Variants in TCEA1 observed in about 807,000 individuals in gnomAD.
The protein encoded by TCEA1 is transcription elongation factor A protein 1.
A neutral mutation model predicts 43.8 loss-of-function variants in TCEA1; 21 were observed. The observed-to-expected ratio is 0.48, with a 90% CI of 0.34 to 0.69. The LOEUF (loss-of-function observed/expected upper bound fraction) is 0.69, where lower values mean the gene tolerates loss of function less well. Among genes scored for constraint, TCEA1 ranks in the 30% least tolerant of loss-of-function variants. TCEA1 has a pLI of 0.01. For synonymous variants in TCEA1, 104 were observed against 117.5 expected (o/e 0.88, Z 0.75); for missense variants, 250 against 365.1 (o/e 0.68, Z 2.57).
At chr8:53,993,528 A>G (rs1013483545) in intron 4 of TCEA1, 140 bp downstream of exon 4, 1 of 595,498 alleles carries the variant, frequency 1.7e-6, no homozygotes, top group East Asian at 2.8e-5. Context: ...ATTAGAATAC[A>G]TGGCTACATA....
chr8:54,014,601 T>G (rs903679659), intron 1 of TCEA1, among the ~76,000 whole-genome samples: 5 of 152,214 alleles, frequency 3.3e-5, no homozygotes, highest in Non-Finnish European at 7.3e-5. Flanking sequence ...GCTATCACAC[T>G]ATTTTATTAC....
chr8:54,006,403 C>T (rs13280165), intron 2 of TCEA1, among the ~76,000 whole-genome samples: 2 of 151,992 alleles, frequency 1.3e-5, no homozygotes, highest in Non-Finnish European at 2.9e-5. Context: ...CGCTTGAACC[C>T]GGGAGGTGGA....
At chr8:54,001,765 C>T (rs750679967) in intron 2 of TCEA1, among the ~76,000 whole-genome samples, 1 of 152,018 alleles carries the variant, frequency 6.6e-6, no homozygotes, top group Admixed American at 6.6e-5. Flanking sequence ...ATGATTATCC[C>T]GCTTAGCCTC....
chr8:53,968,129 A>G lies in TCEA1; in HGVS notation c.898-17T>C, dbSNP rs771289478. On this transcript the variant is annotated splice_polypyrimidine_tract_variant and intron_variant, in intron 9 of 9. Transcript: ENST00000521604. ...TCAACAGAACTGTCAAAAAAGAAAA[A>G]ATATTTTGTAAGACCTTTAAATACC... 91 of 1,518,780 alleles carry G rather than the reference A, an allele frequency of 6.0e-5. 1 individual carries two copies. The highest frequency in any genetic ancestry group is 2.2e-4 in the Admixed American group (11 of 50,802). The allele number at this position is 1,518,780 out of a possible 1,614,324, so 94.1% of individuals were successfully genotyped here. A position where few individuals can be genotyped will look rare whatever the true frequency, so the allele number is the denominator to read the frequency against.
intron 1 of TCEA1, among the ~76,000 whole-genome samples, chr8:54,019,205 T>C (rs1337959012): frequency 6.6e-6 from 1 of 152,194 alleles, no homozygotes; most frequent in Admixed American, 6.5e-5. Flanking sequence ...CATGTTAAAA[T>C]ATTTTTTTAA....
chr8:54,017,468 A>C (rs1465880039), intron 1 of TCEA1, among the ~76,000 whole-genome samples: 1 of 152,030 alleles, frequency 6.6e-6, no homozygotes, highest in Non-Finnish European at 1.5e-5. Context: ...TCTCTCCTTT[A>C]TTTCTTTTCT....
rs1390962163 is a variant in TCEA1, at chr8:54,017,085, A to G, written c.63+4978T>C. 2.0e-5 allele frequency among the ~76,000 whole-genome samples: 3 copies of G among 152,232 alleles called. No homozygotes were observed. The East Asian group carries it at 5.8e-4, about 29-fold the overall frequency. On this transcript the variant is annotated intron_variant, in intron 1 of 9. Coordinates refer to ENST00000521604, the MANE Select transcript of TCEA1 (RefSeq NM_006756.4). Reference sequence around the variant, plus strand: ...CAGAAAATTTCCAGATTTGGCAAACACACAGACAGAAAGTATATTAGTGGC... The same window carrying G: ...CAGAAAATTTCCAGATTTGGCAAACGCACAGACAGAAAGTATATTAGTGGC...
chr8:54,015,792 G>A (rs1804801493), intron 1 of TCEA1, among the ~76,000 whole-genome samples: 1 of 152,086 alleles, frequency 6.6e-6, no homozygotes, highest in African/African-American at 2.4e-5. Flanking sequence ...ATTTAAAAAT[G>A]GACTAATCCA....
chr8:53,979,207 C>T, intron 7 of TCEA1, 36 bp from the exon 8 acceptor site: 5 of 1,592,374 alleles, frequency 3.1e-6, no homozygotes, highest in Non-Finnish European at 4.3e-6. Context: ...CAGTTATAGA[C>T]ACCTTCTATA....
intron 1 of TCEA1, among the ~76,000 whole-genome samples, chr8:54,013,175 G>A: frequency 6.6e-6 from 1 of 152,104 alleles, no homozygotes. Context: ...GAGACATACA[G>A]TTTAAATTGT....
intron 8 of TCEA1, among the ~76,000 whole-genome samples, chr8:53,974,436 T>C (rs1017487472): frequency 1.3e-5 from 2 of 151,278 alleles, no homozygotes; most frequent in African/African-American, 4.9e-5. Flanking sequence ...ATTACCTGAA[T>C]TGTAGGGTTT....
At chr8:53,982,359 G>C (rs1229066189) in intron 7 of TCEA1, among the ~76,000 whole-genome samples, 1 of 152,114 alleles carries the variant, frequency 6.6e-6, no homozygotes, top group African/African-American at 2.4e-5. Flanking sequence ...TGTAATCCCA[G>C]AACTTTGGAA....
chr8:54,016,188 CAT>C (rs1291179881), intron 1 of TCEA1, among the ~76,000 whole-genome samples: 1 of 152,194 alleles, frequency 6.6e-6, no homozygotes, highest in African/African-American at 2.4e-5. Flanking sequence ...GAAATGAAAA[CAT>C]ATGTCGCCAG....
chr8:53,971,890 TA>T (rs1332278821), intron 8 of TCEA1: 2 of 184,596 alleles, frequency 1.1e-5, no homozygotes, highest in South Asian at 1.2e-4. Context: ...CTGAGAGAAT[TA>T]AAAAAATGAA....
At chr8:54,009,994 T>G (rs1804600657) in intron 2 of TCEA1, 2 of 162,440 alleles carry the variant, frequency 1.2e-5, no homozygotes, top group Admixed American at 1.3e-4. Context: ...CTGTGTAATG[T>G]CTACTAGACA....
At position 53,966,830 on chromosome 8, in the gene TCEA1, G is replaced by A. The variant is rs969541065; in HGVS notation, c.*1274C>T. The stretch of plus-strand genomic sequence containing the variant: ...GGGAGCAAAGGAGAGTGCAAAGCAT[G>A]TACTGAGGTCTTTCTACGGGTGCCT... On this transcript the variant is annotated 3_prime_UTR_variant, in exon 10 of 10. Transcript: ENST00000521604. 2.0e-5 allele frequency: 4 copies of A among 203,646 alleles called. No homozygotes were observed. Among genetic ancestry groups the A allele is most frequent in the African/African-American group, 9.2e-5 (4 of 43,532 alleles). The allele number at this position is 203,646 out of a possible 1,614,324, so 12.6% of individuals were successfully genotyped here.
At chr8:53,976,432 C>A (rs73680390) in intron 8 of TCEA1, among the ~76,000 whole-genome samples, 1 of 152,196 alleles carries the variant, frequency 6.6e-6, no homozygotes, top group Non-Finnish European at 1.5e-5. Context: ...AAATTTTAAT[C>A]TCCTCTTGGG....
At chr8:54,004,006 T>C (rs1336372752) in intron 2 of TCEA1, among the ~76,000 whole-genome samples, 1 of 150,724 alleles carries the variant, frequency 6.6e-6, no homozygotes, top group African/African-American at 2.4e-5. Context: ...CCGAATAAGA[T>C]ATAAAAATAA....
chr8:53,988,373 C>G, intron 4 of TCEA1, 114 bp from the exon 5 acceptor site: 1 of 1,267,564 alleles, frequency 7.9e-7, no homozygotes, highest in Non-Finnish European at 1.1e-6. Flanking sequence ...GACACAGTAT[C>G]TCAGTGACCT....
Sources: gnomAD v4.1 joint callset for allele counts (sites outside exome capture counted in the v4.1 genomes callset) on GRCh38, gnomAD v4.1.1 for gene constraint, MANE v1.5 for transcripts, NCBI Gene and HGNC (gene_info 2026-07-23, HGNC 2026-07-21) for gene names.